FBXL17: variants seen among roughly 807,000 people sequenced by gnomAD.
FBXL17 encodes F-box and leucine rich repeat protein 17.
Under a neutral mutation model 66.2 loss-of-function variants are expected in FBXL17, and 22 were observed. The observed-to-expected ratio is 0.33, with a 90% CI of 0.24 to 0.47. FBXL17 has a LOEUF of 0.47. Among genes scored for constraint, FBXL17 ranks in the 20% least tolerant of loss-of-function variants. FBXL17 has a pLI of 1.00. For missense variants in FBXL17, 878 were observed against 948.2 expected, an observed-to-expected ratio of 0.93 and a Z score of 0.97; for synonymous variants, 474 against 400.5, an observed-to-expected ratio of 1.18 and a Z score of -2.19.
At chr5:108,224,709 A>T (rs529040071) in intron 4 of FBXL17, among the ~76,000 whole-genome samples, 1 of 152,216 alleles carries the variant, frequency 6.6e-6, no homozygotes, top group South Asian at 2.1e-4. Flanking sequence ...CTCCTGCCTC[A>T]GCCTCCCAAG....
intron 4 of FBXL17, among the ~76,000 whole-genome samples, chr5:108,257,190 C>T (rs924972560): frequency 2.6e-5 from 4 of 152,094 alleles, no homozygotes; most frequent in African/African-American, 9.7e-5. Context: ...AACAGCACAA[C>T]AAACAAAGAC....
intron 6 of FBXL17, among the ~76,000 whole-genome samples, chr5:108,084,007 T>TGGAA (rs1240342270): frequency 6.6e-6 from 1 of 152,228 alleles, no homozygotes; most frequent in African/African-American, 2.4e-5. Flanking sequence ...ATAAGAAAGC[T>TGGAA]GGAAAGCTCA....
intron 6 of FBXL17, among the ~76,000 whole-genome samples, chr5:108,057,968 G>A (rs1580383788): frequency 6.6e-6 from 1 of 152,272 alleles, no homozygotes; most frequent in Admixed American, 6.5e-5. Context: ...TGAAGGAATT[G>A]AGTTAGAGAG....
At position 108,096,684 on chromosome 5, in the gene FBXL17, G is replaced by T. The variant is rs139328623; in HGVS notation, c.1746-75683C>A. 4.7e-4 allele frequency among the ~76,000 whole-genome samples: 72 copies of T among 152,334 alleles called. 1 individual carries two copies. In the South Asian group the frequency reaches 0.013, roughly 27 times the overall value. On this transcript the variant is annotated intron_variant, in intron 6 of 8. Transcript: ENST00000542267. ...AGCTTTTCTTATTTGTGGGGTGTGG[G>T]ATACATGCAACAAATGTGCCTGGAT...
At chr5:108,249,289 T>C (rs1431538823) in intron 4 of FBXL17, among the ~76,000 whole-genome samples, 1 of 152,040 alleles carries the variant, frequency 6.6e-6, no homozygotes, top group African/African-American at 2.4e-5. Flanking sequence ...GATTTCAGTC[T>C]TTGCTCCTGC....
At chr5:108,163,807 T>C (rs1752311781) in intron 6 of FBXL17, among the ~76,000 whole-genome samples, 1 of 152,210 alleles carries the variant, frequency 6.6e-6, no homozygotes, top group African/African-American at 2.4e-5. Flanking sequence ...ATGTTAGAGG[T>C]CTAAGAAACA....
At chr5:107,963,115 T>C (rs1173102810) in intron 7 of FBXL17, among the ~76,000 whole-genome samples, 1 of 152,174 alleles carries the variant, frequency 6.6e-6, no homozygotes, top group Non-Finnish European at 1.5e-5. Flanking sequence ...TCTAAGATTC[T>C]GGTGTCCTGA....
intron 7 of FBXL17, among the ~76,000 whole-genome samples, chr5:107,946,591 G>A (rs1467167017): frequency 1.3e-5 from 2 of 151,656 alleles, no homozygotes; most frequent in African/African-American, 4.8e-5. Flanking sequence ...ACAGGCATGG[G>A]CCACAGCTTC....
chr5:107,943,998 A>T (rs1751201505), intron 7 of FBXL17, among the ~76,000 whole-genome samples: 1 of 152,170 alleles, frequency 6.6e-6, no homozygotes, highest in South Asian at 2.1e-4. Context: ...CATTGATGTC[A>T]ACTTTGTCCT....
rs149787487 is a variant in FBXL17 at position 108,209,268 on chromosome 5, T to G, written c.1614+14853A>C. 3.6e-3 allele frequency among the ~76,000 whole-genome samples: 544 copies of G among 152,264 alleles called. 6 individuals carry two copies. Among genetic ancestry groups the G allele is most frequent in the African/African-American group, 0.012 (519 of 41,538 alleles). On this transcript the variant is annotated intron_variant, in intron 5 of 8. Transcript: ENST00000542267. ...CATGTCATCTTCAAAAAGAGACAAT[T>G]TGACTTCCTCTCTTCCTATCTGAAT...
intron 7 of FBXL17, among the ~76,000 whole-genome samples, chr5:108,007,423 T>A (rs1484946336): frequency 1.3e-5 from 2 of 152,090 alleles, no homozygotes; most frequent in Non-Finnish European, 2.9e-5. Context: ...CTGGAAGGGA[T>A]CCGATCTTTC....
chr5:107,989,071 G>T lies in FBXL17; in HGVS notation c.1822+31854C>A, dbSNP rs1213481080. Among the ~76,000 whole-genome samples the T allele has an allele frequency of 3.3e-5, 5 of 152,076 alleles. No homozygotes were observed. In the South Asian group the frequency reaches 1.0e-3, roughly 32 times the overall value. On this transcript the variant is annotated intron_variant, in intron 7 of 8. Transcript: ENST00000542267. ...CGACATTTTGATACATACATACAAT[G>T]TGTAATGATTAAGTCATGGTAATTG...
intron 6 of FBXL17, among the ~76,000 whole-genome samples, chr5:108,180,523 G>A (rs1189831165): frequency 1.3e-5 from 2 of 151,614 alleles, no homozygotes; most frequent in Non-Finnish European, 2.9e-5. Flanking sequence ...AAAAAGAAAA[G>A]AGAAATATCT....
At chr5:107,930,906 T>C (rs916042344) in intron 7 of FBXL17, among the ~76,000 whole-genome samples, 3 of 152,358 alleles carry the variant, frequency 2.0e-5, no homozygotes, top group African/African-American at 7.2e-5. Flanking sequence ...TTTCCTACTT[T>C]GACATTTTCT....
intron 4 of FBXL17, among the ~76,000 whole-genome samples, chr5:108,330,985 G>A (rs569282950): frequency 1.1e-4 from 16 of 152,128 alleles, no homozygotes; most frequent in East Asian, 3.9e-4. Flanking sequence ...CCCAGGAGGC[G>A]GAGGCTGCAA....
At chr5:108,338,842 T>G (rs1746687923) in intron 4 of FBXL17, among the ~76,000 whole-genome samples, 1 of 152,144 alleles carries the variant, frequency 6.6e-6, no homozygotes, top group Non-Finnish European at 1.5e-5. Context: ...GTAAATAATT[T>G]AAAGAAAGAC....
intron 3 of FBXL17, among the ~76,000 whole-genome samples, chr5:108,353,384 C>A (rs148407529): frequency 6.6e-6 from 1 of 152,080 alleles, no homozygotes; most frequent in African/African-American, 2.4e-5. Flanking sequence ...GGAGGCACAG[C>A]GTGGATAAGT....
intron 6 of FBXL17, among the ~76,000 whole-genome samples, chr5:108,101,869 G>A (rs1183480211): frequency 6.6e-6 from 1 of 152,156 alleles, no homozygotes; most frequent in Non-Finnish European, 1.5e-5. Context: ...AAGTTTGGGA[G>A]AAATGCTAAG....
At chr5:108,349,716 G>T (rs1215077032) in intron 3 of FBXL17, among the ~76,000 whole-genome samples, 1 of 152,112 alleles carries the variant, frequency 6.6e-6, no homozygotes, top group African/African-American at 2.4e-5. Context: ...CTATAAAGCA[G>T]CTCTCATTTT....
Sources: allele counts gnomAD v4.1 joint callset (sites outside exome capture counted in the v4.1 genomes callset), GRCh38; gene constraint gnomAD v4.1.1; transcripts MANE v1.5; gene names NCBI Gene and HGNC (gene_info 2026-07-23, HGNC 2026-07-21).